PHLDB3: variants seen among roughly 807,000 people sequenced by gnomAD.
PHLDB3 encodes pleckstrin homology-like domain family B member 3.
PHLDB3 carries 86 observed loss-of-function variants against 85.7 expected under a neutral mutation model. That is an observed-to-expected ratio of 1.00 (90% CI 0.84 to 1.20). The LOEUF is 1.20. Among genes scored for constraint, PHLDB3 ranks in the 50% most tolerant of loss-of-function variants. PHLDB3 has a pLI of 0.00. For synonymous variants in PHLDB3, 376 were observed against 349.8 expected (o/e 1.07, Z -0.83); for missense variants, 995 against 873.0 (o/e 1.14, Z -1.76).
Position 43,487,050 on chromosome 19 carries a change from G to A in PHLDB3, c.1223C>T (p.Pro408Leu), listed in dbSNP as rs186489600. The A allele has an allele frequency of 1.3e-6, 2 of 1,578,866 alleles. No homozygotes were observed. Among genetic ancestry groups the A allele is most frequent in the South Asian group, 1.2e-5 (1 of 85,312 alleles). ...AGTACAATGGAAGGACAGAGGTCGG[G>A]GGGATCCTCTCTGGCTCCCCCTCTC... ...RGERGSQRGS[P>L]RPLSFHCTES... Residue 408 changes from proline (P) to leucine (L), a missense_variant, in exon 10 of 16, where the codon CCC (proline) becomes CTC (leucine). By Grantham distance (98) the Pro-to-Leu change is moderately conservative. Transcript: ENST00000292140.
At chr19:43,479,917 G>A (rs1283588988) in intron 13 of PHLDB3, among the ~76,000 whole-genome samples, 2 of 151,832 alleles carry the variant, frequency 1.3e-5, no homozygotes, top group African/African-American at 2.4e-5. Flanking sequence ...ACTGGGACAC[G>A]AACCCAGGTA....
chr19:43,497,483 G>T (rs1469655072), intron 5 of PHLDB3, among the ~76,000 whole-genome samples: 1 of 152,094 alleles, frequency 6.6e-6, no homozygotes, highest in Non-Finnish European at 1.5e-5. Flanking sequence ...GGGAGGCCGA[G>T]GCAGGTGGAT....
At position 43,478,083 on chromosome 19, in the gene PHLDB3, C is replaced by T. The variant is rs1970965301; in HGVS notation, c.1752G>A (p.Glu584=). The T allele has an allele frequency of 1.2e-6, 2 of 1,613,606 alleles. No individual in the cohort carries two copies. The highest frequency in any genetic ancestry group is 1.1e-5 in the South Asian group (1 of 91,082). Residue 584 remains glutamate (E), a synonymous_variant, in exon 15 of 16, where the codon GAG becomes GAA. Transcript: ENST00000292140. ...LKGVIYFQAI[E]EVYYDHLRCA... ...AGCGTAAGTGGTCATAATAGACTTCCTCAATGGCCTGGAAGTAGATGACAC... is the reference window on the plus strand; with the variant it reads ...AGCGTAAGTGGTCATAATAGACTTCTTCAATGGCCTGGAAGTAGATGACAC...
chr19:43,479,668 A>G, intron 13 of PHLDB3, 75 bp from the exon 14 acceptor site: 1 of 1,035,172 alleles, frequency 9.7e-7, no homozygotes, highest in Non-Finnish European at 1.4e-6. Context: ...CGAGGGGAGC[A>G]AGTCATAGCA....
chr19:43,490,011 G>GA (rs372130277), intron 9 of PHLDB3, among the ~76,000 whole-genome samples: 36 of 65,714 alleles, frequency 5.5e-4, no homozygotes, highest in Admixed American at 2.4e-3. Context: ...TGCCAAAAAG[G>GA]AAAAAAAAAA....
At chr19:43,479,351 G>GC in intron 14 of PHLDB3, 26 bp downstream of exon 14, 1 of 1,550,754 alleles carries the variant, frequency 6.4e-7, no homozygotes. Flanking sequence ...GCGTCCTGGG[G>GC]CCCATGGTGG....
intron 1 of PHLDB3, 84 bp from the exon 2 acceptor site, chr19:43,504,216 A>ACCCCC: frequency 8.4e-7 from 1 of 1,194,550 alleles, no homozygotes; most frequent in Non-Finnish European, 1.1e-6. Context: ...GGGCGCGGAG[A>ACCCCC]CCCCCCCCCA....
At chr19:43,486,101 A>C (rs1971148408) in intron 13 of PHLDB3, 165 bp downstream of exon 13, 1 of 985,324 alleles carries the variant, frequency 1.0e-6, no homozygotes, top group Admixed American at 6.1e-5. Context: ...TCATCCGGTC[A>C]TGGGAACAGG....
At chr19:43,484,710 C>G (rs1373554599) in intron 13 of PHLDB3, among the ~76,000 whole-genome samples, 1 of 152,014 alleles carries the variant, frequency 6.6e-6, no homozygotes, top group Non-Finnish European at 1.5e-5. Context: ...AAAACTCTGT[C>G]CCCCAAAAAA....
chr19:43,498,404 G>A (rs1971515725), intron 4 of PHLDB3, among the ~76,000 whole-genome samples: 1 of 150,940 alleles, frequency 6.6e-6, no homozygotes, highest in Middle Eastern at 3.4e-3. Context: ...ACGAAGGAAG[G>A]AGAGAGAGAA....
At position 43,475,434 on chromosome 19, in the gene PHLDB3, G is replaced by A. The variant is rs1490293597; in HGVS notation, c.1899C>T (p.Ala633=). Residue 633 remains alanine, a synonymous_variant, in exon 16 of 16, where the codon GCC becomes GCT. Coordinates refer to ENST00000292140, the MANE Select transcript of PHLDB3 (RefSeq NM_198850.4). ...CTCAGGGGGCGTGGTTTTCGTCAGC[G>A]GCGGTCACGATGACGTCCATCCAAA... ...MRIWMDVIVT[A]ADENHAP 8.7e-6 allele frequency: 14 copies of A among 1,613,970 alleles called. No homozygotes were observed. Among genetic ancestry groups the A allele is most frequent in the South Asian group, 1.1e-5 (1 of 91,084 alleles).
chr19:43,487,418 T>A (rs1340490864), intron 9 of PHLDB3, among the ~76,000 whole-genome samples: 4 of 151,282 alleles, frequency 2.6e-5, no homozygotes, highest in African/African-American at 7.3e-5. Context: ...CTACTAAAAA[T>A]ACAGAAATTA....
chr19:43,499,038 C>T (rs1375521265), intron 4 of PHLDB3, among the ~76,000 whole-genome samples: 10 of 151,982 alleles, frequency 6.6e-5, no homozygotes, highest in Non-Finnish European at 1.5e-4. Flanking sequence ...GGGGTAGGAG[C>T]TAGGAATCAT....
At position 43,502,241 on chromosome 19, in the gene PHLDB3, C is replaced by T; in HGVS notation, c.256G>A (p.Ala86Thr). The T allele has an allele frequency of 1.9e-6, 3 of 1,563,284 alleles. No homozygotes were observed. The highest frequency in any genetic ancestry group is 1.2e-5 in the South Asian group (1 of 85,204). Residue 86 changes from alanine to threonine, a missense_variant, in exon 3 of 16, where the codon GCA becomes ACA. By Grantham distance (58) the Ala-to-Thr change is moderately conservative. Coordinates refer to ENST00000292140, the MANE Select transcript of PHLDB3 (RefSeq NM_198850.4). ...PPIAMAATPP[A>T]STSSREGVRG... ...ACCCCTTCCCGCGAAGAGGTGGATG[C>T]GGGAGGTGTGGCCGCCATAGCTATC...
At chr19:43,503,634 G>T (rs59000923) in intron 2 of PHLDB3, among the ~76,000 whole-genome samples, 26,416 of 151,992 alleles carry the variant, frequency 0.17, 2,380 homozygotes, top group Non-Finnish European at 0.19. Flanking sequence ...TGTCTCTGTC[G>T]CCCGTTTGGG....
chr19:43,502,186 T>C lies in PHLDB3; in HGVS notation c.311A>G (p.Gln104Arg). The change falls in exon 3 of 16, where the codon CAG becomes CGG. Residue 104 changes from glutamine (Q) to arginine (R), a missense_variant. Gln to Arg is a conservative substitution (Grantham distance 43, BLOSUM62 1). Transcript: ENST00000292140. ...CACACGAGTCAATGCCTCCAGCTGC[T>C]GTCCTTGCAGGCGCCGCGCCGCCCC... ...VRGAARRLQG[Q>R]QLEALTRVAL... is the part of the protein sequence containing the mutation. 4 of 1,577,748 alleles carry C rather than the reference T, an allele frequency of 2.5e-6. No individual in the cohort carries two copies. Among genetic ancestry groups the C allele is most frequent in the Non-Finnish European group, 8.6e-7 (1 of 1,162,202 alleles).
intron 9 of PHLDB3, among the ~76,000 whole-genome samples, chr19:43,487,574 C>CAGAAAAAAAAAA (rs1971202613): frequency 2.6e-5 from 1 of 38,532 alleles, no homozygotes; most frequent in African/African-American, 1.0e-4. Flanking sequence ...GACTCTGTCT[C>CAGAAAAAAAAAA]AAAAAAAAAA....
chr19:43,487,631 T>G, intron 9 of PHLDB3, among the ~76,000 whole-genome samples: 1 of 140,206 alleles, frequency 7.1e-6, no homozygotes. Flanking sequence ...AACAGGCAAA[T>G]TAACATAGAA....
chr19:43,501,995 G>C, intron 3 of PHLDB3, 106 bp downstream of exon 3: 1 of 1,488,592 alleles, frequency 6.7e-7, no homozygotes, highest in Non-Finnish European at 9.0e-7. Flanking sequence ...GGGAGGAAGA[G>C]CGGAGGGCCT....
Sources: allele counts gnomAD v4.1 joint callset (sites outside exome capture counted in the v4.1 genomes callset), GRCh38; gene constraint gnomAD v4.1.1; transcripts MANE v1.5; gene names NCBI Gene and HGNC (gene_info 2026-07-23, HGNC 2026-07-21).